Variants in ERBIN observed in about 807,000 individuals in gnomAD.
ERBIN encodes densin-180-like protein.
Under a neutral mutation model 158.4 loss-of-function variants are expected in ERBIN, and 60 were observed. The ratio of observed to expected loss-of-function variants is 0.38; its 90% CI spans 0.31 to 0.47. The LOEUF is 0.47. Ranked by LOEUF, ERBIN falls within the 20% of genes least tolerant of loss-of-function variation. ERBIN has a pLI of 0.99. For synonymous variants in ERBIN, 594 were observed against 557.2 expected (o/e 1.07, Z -0.93); for missense variants, 1,610 against 1,648.0 (o/e 0.98, Z 0.40).
chr5:65,934,831 A>G (rs1743888254), intron 1 of ERBIN, among the ~76,000 whole-genome samples: 1 of 152,174 alleles, frequency 6.6e-6, no homozygotes, highest in Admixed American at 6.5e-5. Context: ...GCAAGGACAT[A>G]ATGCATTACT....
At chr5:66,029,219 GA>G (rs1343061371) in intron 14 of ERBIN, among the ~76,000 whole-genome samples, 2 of 152,042 alleles carry the variant, frequency 1.3e-5, no homozygotes, top group Non-Finnish European at 2.9e-5. Context: ...ATATTTTGAG[GA>G]ACCTCCATAA....
At position 65,989,983 on chromosome 5, in the gene ERBIN, T is replaced by C. The variant is rs1199066154; in HGVS notation, c.-10+1301T>C. ...AAAATCTAAATTCTCTTCTGGCGAT[T>C]AAAATCTTATTAGATGAACTGTTTA... On this transcript the variant is annotated intron_variant, in intron 2 of 25. Transcript: ENST00000284037. 3.9e-5 allele frequency among the ~76,000 whole-genome samples: 6 copies of C among 152,254 alleles called. No homozygotes were observed. The East Asian group carries it at 1.2e-3, about 29-fold the overall frequency.
At chr5:66,025,142 A>T (rs2151150868) in intron 10 of ERBIN, among the ~76,000 whole-genome samples, 1 of 152,204 alleles carries the variant, frequency 6.6e-6, no homozygotes, top group Non-Finnish European at 1.5e-5. Context: ...TATTAATTTA[A>T]CAAGTTTGTA....
rs529022380 is a variant in ERBIN at position 65,999,986 on chromosome 5, A to G, written c.307+5122A>G. 6.6e-4 allele frequency among the ~76,000 whole-genome samples: 100 copies of G among 152,124 alleles called. 2 individuals are homozygous for G. The highest frequency in any genetic ancestry group is 1.3e-3 in the Non-Finnish European group (91 of 68,022). ...TTTCATCCTAAAGGAGTATCTCTAC[A>G]TATGTTGACAGATAAATTAATCCAG... is the stretch of plus-strand genomic sequence containing the variant. On this transcript the variant is annotated intron_variant, in intron 4 of 25. Coordinates refer to ENST00000284037, the MANE Select transcript of ERBIN (RefSeq NM_001253697.2).
At chr5:66,056,075 G>A (rs1220134444) in intron 21 of ERBIN, among the ~76,000 whole-genome samples, 1 of 152,086 alleles carries the variant, frequency 6.6e-6, no homozygotes, top group African/African-American at 2.4e-5. Context: ...GAGTAACATA[G>A]GTGTGTTTTA....
At chr5:65,997,966 G>T (rs58292558) in intron 4 of ERBIN, among the ~76,000 whole-genome samples, 6,094 of 151,858 alleles carry the variant, frequency 0.04, 412 homozygotes, top group African/African-American at 0.14. Context: ...GTTGGCTCAC[G>T]CCTGTAATCT....
At chr5:65,937,237 T>A (rs951328590) in intron 1 of ERBIN, among the ~76,000 whole-genome samples, 13 of 152,232 alleles carry the variant, frequency 8.5e-5, no homozygotes, top group African/African-American at 3.1e-4. Context: ...AGTCTCTTTA[T>A]GCCTTTTGGT....
chr5:66,034,442 A>G (rs1757192484), intron 14 of ERBIN, among the ~76,000 whole-genome samples: 1 of 151,800 alleles, frequency 6.6e-6, no homozygotes, highest in African/African-American at 2.4e-5. Flanking sequence ...GGCACTTATC[A>G]CCACACCCAG....
intron 8 of ERBIN, chr5:66,023,003 TG>T (rs1755861478): frequency 8.2e-6 from 2 of 243,442 alleles, no homozygotes; most frequent in Non-Finnish European, 7.7e-6. Context: ...AACTTGCCCC[TG>T]TTGTGTAATC....
chr5:66,018,091 T>A (rs572336675), intron 7 of ERBIN, among the ~76,000 whole-genome samples: 1 of 152,152 alleles, frequency 6.6e-6, no homozygotes, highest in South Asian at 2.1e-4. Flanking sequence ...GTAGTACAAT[T>A]TGAAGTCTAG....
chr5:66,081,596 A>G lies in ERBIN; in HGVS notation c.*3066A>G, dbSNP rs1404024175. ...AAAATTCGGGGTTAGAGAAATTCTC[A>G]TGAAAAATATACAATTTTTTTTTAG... is the stretch of plus-strand genomic sequence containing the variant. On this transcript the variant is annotated 3_prime_UTR_variant, in exon 26 of 26. Transcript: ENST00000284037. 6.6e-6 allele frequency: 1 copy of G among 152,112 alleles called. No individual in the cohort carries two copies. The highest frequency in any genetic ancestry group is 1.5e-5 in the Non-Finnish European group (1 of 67,968). 9.4% of individuals were successfully genotyped at this position (152,112 alleles called of 1,614,324 possible).
chr5:66,016,258 T>G (rs940974965), intron 7 of ERBIN, among the ~76,000 whole-genome samples: 6 of 152,202 alleles, frequency 3.9e-5, no homozygotes, highest in Non-Finnish European at 7.3e-5. Context: ...TAGCTAAAAA[T>G]GTGACTGGTT....
chr5:65,943,918 C>T (rs907543458), intron 1 of ERBIN, among the ~76,000 whole-genome samples: 2 of 152,190 alleles, frequency 1.3e-5, no homozygotes, highest in African/African-American at 4.8e-5. Flanking sequence ...TGACCAAGTA[C>T]CTCGTGAGTC....
At position 66,050,958 on chromosome 5, in the gene ERBIN, C is replaced by T; in HGVS notation, c.2079C>T (p.Ser693=). ...PVKQTHIDIN[S]KIRQEDENFN... ...AACAAACTCATATTGATATTAATTC[C>T]AAAATCAGGTGTGTGAACCTCTTTT... Residue 693 remains serine, a synonymous_variant, in exon 20 of 26, where the codon TCC becomes TCT. Transcript: ENST00000284037. 6.3e-7 allele frequency: 1 copy of T among 1,599,540 alleles called. No homozygotes were observed. Among genetic ancestry groups the T allele is most frequent in the South Asian group, 1.1e-5 (1 of 87,134 alleles).
intron 14 of ERBIN, among the ~76,000 whole-genome samples, chr5:66,029,830 C>G (rs1172655785): frequency 6.6e-6 from 1 of 152,090 alleles, no homozygotes; most frequent in Non-Finnish European, 1.5e-5. Context: ...ACCTCATGAT[C>G]CGCTTGTGTT....
chr5:65,945,543 CA>C (rs1168395288), intron 1 of ERBIN, among the ~76,000 whole-genome samples: 1 of 152,186 alleles, frequency 6.6e-6, no homozygotes, highest in Non-Finnish European at 1.5e-5. Flanking sequence ...TGCCGTATTT[CA>C]AACACTGCAC....
At chr5:66,045,742 G>C (rs1235267093) in intron 17 of ERBIN, among the ~76,000 whole-genome samples, 1 of 152,078 alleles carries the variant, frequency 6.6e-6, no homozygotes, top group Non-Finnish European at 1.5e-5. Flanking sequence ...TGTCAGCATA[G>C]CCTTTAAAAA....
intron 15 of ERBIN, 147 bp downstream of exon 15, chr5:66,038,629 T>C (rs1757630108): frequency 1.8e-6 from 1 of 564,772 alleles, no homozygotes; most frequent in Non-Finnish European, 3.1e-6. Flanking sequence ...AATGGAAAAA[T>C]AGGGCACGAT....
At chr5:66,061,129 A>G (rs1407283378) in intron 21 of ERBIN, among the ~76,000 whole-genome samples, 1 of 152,052 alleles carries the variant, frequency 6.6e-6, no homozygotes, top group Admixed American at 6.6e-5. Flanking sequence ...TGATCTGTCT[A>G]ATGTTGACAG....
Sources: allele counts gnomAD v4.1 joint callset (sites outside exome capture counted in the v4.1 genomes callset), GRCh38; gene constraint gnomAD v4.1.1; transcripts MANE v1.5; gene names NCBI Gene and HGNC (gene_info 2026-07-23, HGNC 2026-07-21).